Variants in NID1 observed in about 807,000 individuals in gnomAD.
NID1 encodes the protein nidogen-1.
Under a neutral mutation model 130.6 loss-of-function variants are expected in NID1, and 76 were observed. The ratio of observed to expected loss-of-function variants is 0.58; its 90% confidence interval spans 0.48 to 0.70. NID1 has a LOEUF of 0.70. Among genes scored for constraint, NID1 ranks in the 30% least tolerant of loss-of-function variants. The pLI is 0.00. For missense variants in NID1, 1,517 were observed against 1,664.8 expected, an observed-to-expected ratio of 0.91 and a Z score of 1.54; for synonymous variants, 665 against 675.1, an observed-to-expected ratio of 0.98 and a Z score of 0.23.
intron 14 of NID1, among the ~76,000 whole-genome samples, chr1:235,989,840 A>G (rs1265397506): frequency 6.6e-6 from 1 of 152,240 alleles, no homozygotes; most frequent in Admixed American, 6.5e-5. Flanking sequence ...GCCCTGAGAC[A>G]GAAATGTGCC....
intron 12 of NID1, among the ~76,000 whole-genome samples, chr1:235,996,776 C>G (rs1172383587): frequency 6.6e-6 from 1 of 151,900 alleles, no homozygotes; most frequent in East Asian, 1.9e-4. Flanking sequence ...CAGGGTCTTG[C>G]TATGTTGCCC....
At chr1:236,039,574 T>G (rs1018363299) in intron 4 of NID1, among the ~76,000 whole-genome samples, 1 of 152,196 alleles carries the variant, frequency 6.6e-6, no homozygotes, top group African/African-American at 2.4e-5. Flanking sequence ...AACTTTGTTT[T>G]ATTAGAATCA....
chr1:235,988,053 C>T (rs1050759576), intron 14 of NID1, among the ~76,000 whole-genome samples: 1 of 151,974 alleles, frequency 6.6e-6, no homozygotes, highest in African/African-American at 2.4e-5. Flanking sequence ...TGGACTACAT[C>T]AAAATTAAAA....
chr1:236,048,198 G>C (rs990329049), intron 2 of NID1, among the ~76,000 whole-genome samples: 23 of 151,748 alleles, frequency 1.5e-4, no homozygotes, highest in Non-Finnish European at 3.1e-4. Context: ...AGCCGGGCGT[G>C]GTGGTGGTCG....
At chr1:236,000,087 G>A (rs1241444360) in intron 12 of NID1, among the ~76,000 whole-genome samples, 4 of 152,050 alleles carry the variant, frequency 2.6e-5, no homozygotes, top group Admixed American at 1.3e-4. Context: ...GGTGATGGGC[G>A]CCTGTAATCC....
Position 236,011,981 on chromosome 1 carries a change from A to G in NID1, c.2467T>C (p.Ser823Pro). The G allele has an allele frequency of 1.2e-6, 2 of 1,614,222 alleles. No individual in the cohort carries two copies. The highest frequency in any genetic ancestry group is 1.6e-4 in the Middle Eastern group (1 of 6,062). ...PDAFCYNTPG[S>P]FTCQCKPGYQ... is the part of the protein sequence containing the mutation. ...CCAGGTTTGCACTGGCACGTGAAAG[A>G]GCCTGGAGTGTTGTAGCAGAAGGCG... Residue 823 changes from serine (S) to proline (P), a missense_variant, in exon 12 of 20, where the codon TCT becomes CCT. This residue lies in a region of NID1 where 1,329 missense variants were observed against 1,429.2 expected (regional missense o/e 0.93). Transcript: ENST00000264187.
In NID1 at chr1:236,024,149, C is replaced by T. The variant is rs34743457; in HGVS notation, c.2049G>A (p.Ala683=). The change falls in exon 9 of 20, where the codon GCG becomes GCA. Residue 683 remains alanine, a synonymous_variant. Coordinates refer to ENST00000264187, the MANE Select transcript of NID1 (RefSeq NM_002508.3). The part of the protein sequence containing the change: ...YIGTHGCDTN[A]ACRPGPRTQF... ...GTGTCCTGGGACCAGGGCGACAGGC[C>T]GCGTTGGTGTCACACCCATGAGTGC... 0.017 allele frequency: 27,293 copies of T among 1,614,200 alleles called. 356 individuals are homozygous for T. Among genetic ancestry groups the T allele is most frequent in the African/African-American group, 0.051 (3,815 of 75,042 alleles).
chr1:235,980,090 A>T, intron 17 of NID1, 145 bp from the exon 18 acceptor site: 1 of 983,040 alleles, frequency 1.0e-6, no homozygotes, highest in Non-Finnish European at 1.5e-6. Flanking sequence ...CTTGCTCTTA[A>T]AAACTGGCAA....
chr1:235,998,392 T>C (rs755533493), intron 12 of NID1, among the ~76,000 whole-genome samples: 5 of 152,028 alleles, frequency 3.3e-5, no homozygotes, highest in African/African-American at 4.8e-5. Flanking sequence ...AAAAAATGTC[T>C]GGCTGGGCAC....
intron 11 of NID1, among the ~76,000 whole-genome samples, chr1:236,012,871 G>T (rs986827839): frequency 2.0e-5 from 3 of 152,194 alleles, no homozygotes; most frequent in African/African-American, 7.2e-5. Context: ...GTACTCTATT[G>T]ATGGGCTATC....
rs77881793 is a variant in NID1 at position 236,010,028 on chromosome 1, A to G, written c.2527+1893T>C. Among the ~76,000 whole-genome samples the G allele has an allele frequency of 1.1e-4, 16 of 152,352 alleles. No individual in the cohort carries two copies. In the East Asian group the frequency reaches 3.1e-3, roughly 29 times the overall value. On this transcript the variant is annotated intron_variant, in intron 12 of 19. Coordinates refer to ENST00000264187, the MANE Select transcript of NID1 (RefSeq NM_002508.3). Reference sequence around the variant, plus strand: ...ACAAAAAGTCAGGTTAAAAAAACAAAAAAACAAAATTGGAAACATCTGCTT... The same window carrying G: ...ACAAAAAGTCAGGTTAAAAAAACAAGAAAACAAAATTGGAAACATCTGCTT...
rs1411560960 is a variant in NID1, at chr1:235,976,081, G to A, written c.*1786C>T. On this transcript the variant is annotated 3_prime_UTR_variant, in exon 20 of 20. Coordinates refer to ENST00000264187, the MANE Select transcript of NID1 (RefSeq NM_002508.3). ...TAATATGAAACGATAAATACAAAAA[G>A]TGAGACTAATTTATGGATTTGGGCT... 6.6e-6 allele frequency: 1 copy of A among 152,314 alleles called. No homozygotes were observed. Among genetic ancestry groups the A allele is most frequent in the Admixed American group, 6.5e-5 (1 of 15,280 alleles). 9.4% of individuals were successfully genotyped at this position (152,314 alleles called of 1,614,324 possible).
intron 15 of NID1, among the ~76,000 whole-genome samples, chr1:235,984,181 G>A (rs1657512215): frequency 6.6e-6 from 1 of 152,110 alleles, no homozygotes; most frequent in Admixed American, 6.5e-5. Flanking sequence ...CTTCCACTGG[G>A]TTTTAAAATG....
Position 235,993,815 on chromosome 1 carries a change from G to A in NID1, c.2585C>T (p.Ala862Val), listed in dbSNP as rs144659138. 1.3e-4 allele frequency: 214 copies of A among 1,613,930 alleles called. No individual in the cohort carries two copies. Among genetic ancestry groups the A allele is most frequent in the Non-Finnish European group, 1.7e-4 (200 of 1,179,964 alleles). ...AGGAATGGGTCGCTGTGGGTCTGTC[G>A]CCCCCGCTGCCCCGAGAATGTGTTC... is the stretch of plus-strand genomic sequence containing the variant. ...EREHILGAAG[A>V]TDPQRPIPPG... Residue 862 changes from alanine to valine, a missense_variant, in exon 13 of 20, where the codon GCG becomes GTG. Physicochemically the swap from Ala to Val is moderately conservative, Grantham distance 64. Around this residue, in one of 3 missense-constraint regions of NID1, gnomAD observed 1,329 missense variants for 1,429.2 expected, o/e 0.93. Coordinates refer to ENST00000264187, the MANE Select transcript of NID1 (RefSeq NM_002508.3).
At chr1:235,984,037 C>A (rs868304221) in intron 15 of NID1, among the ~76,000 whole-genome samples, 2 of 151,418 alleles carry the variant, frequency 1.3e-5, no homozygotes, top group South Asian at 4.2e-4. Flanking sequence ...ACAAAGATCA[C>A]ATTTTGGTTT....
chr1:236,033,098 A>G (rs1031276298), intron 5 of NID1, among the ~76,000 whole-genome samples: 1 of 152,224 alleles, frequency 6.6e-6, no homozygotes, highest in Non-Finnish European at 1.5e-5. Context: ...ACCTGAGGTC[A>G]GGAGTTCAAG....
intron 14 of NID1, among the ~76,000 whole-genome samples, chr1:235,985,830 T>C (rs1385477855): frequency 6.6e-6 from 1 of 151,962 alleles, no homozygotes; most frequent in Non-Finnish European, 1.5e-5. Context: ...GCGTGATTAC[T>C]GCTCACTGCA....
intron 14 of NID1, among the ~76,000 whole-genome samples, chr1:235,988,676 A>G (rs930874245): frequency 3.3e-5 from 5 of 152,166 alleles, no homozygotes; most frequent in African/African-American, 4.8e-5. Context: ...GTACAATGGG[A>G]TTTCAGCCTT....
intron 2 of NID1, among the ~76,000 whole-genome samples, chr1:236,046,687 C>G (rs1659612164): frequency 6.6e-6 from 1 of 152,034 alleles, no homozygotes; most frequent in South Asian, 2.1e-4. Context: ...GGAGGTGGAA[C>G]AGATTAGGCC....
Sources: gnomAD v4.1 joint callset for allele counts (sites outside exome capture counted in the v4.1 genomes callset) on GRCh38, gnomAD v4.1.1 for gene constraint, gnomAD v4.1.1 regional missense constraint, MANE v1.5 for transcripts, NCBI Gene and HGNC (gene_info 2026-07-23, HGNC 2026-07-21) for gene names.